The following PRH1 variants were observed in gnomAD, a reference collection of about 807,000 sequenced individuals.
PRH1 encodes the protein salivary acidic proline-rich phosphoprotein 1/2.
In PRH1, 7 loss-of-function variants were observed where a neutral mutation model predicts 7.9. The ratio of observed to expected loss-of-function variants is 0.89; its 90% CI spans 0.50 to 1.67. The LOEUF is 1.67. PRH1 is among the 40% of genes most tolerant of loss of function. The probability of loss-of-function intolerance (pLI) is 0.00; values close to 1 mark genes in which losing one functional copy is unlikely to be tolerated. For missense variants in PRH1, 109 were observed against 223.6 expected, an observed-to-expected ratio of 0.49 and a Z score of 3.27; for synonymous variants, 45 against 80.8, an observed-to-expected ratio of 0.56 and a Z score of 2.38.
intron 1 of PRH1, among the ~76,000 whole-genome samples, chr12:11,013,266 T>G (rs1212788331): frequency 6.6e-6 from 1 of 152,012 alleles, no homozygotes; most frequent in Non-Finnish European, 1.5e-5. Flanking sequence ...AAAAGAACAA[T>G]GAAACACAAC....
chr12:11,055,154 A>G (rs970628997), intron 1 of PRH1, among the ~76,000 whole-genome samples: 1 of 151,820 alleles, frequency 6.6e-6, no homozygotes, highest in African/African-American at 2.4e-5. Context: ...ATTATGCCAA[A>G]TGACTTTGAG....
rs1592022932 is a variant in PRH1 at position 11,105,046 on chromosome 12, C to T, written n.124-57858G>A. Among the ~76,000 whole-genome samples the T allele has an allele frequency of 1.3e-5, 2 of 151,732 alleles. 1 individual carries two copies. The highest frequency in any genetic ancestry group is 3.9e-4 in the East Asian group (2 of 5,178). The stretch of plus-strand genomic sequence containing the variant: ...TTGTCTAACCTTTTTCTTCAAATTT[C>T]AAATACTCTTGTTATAAGTAACTGT... On this transcript the variant is annotated intron_variant and non_coding_transcript_variant, in intron 1 of 4. Coordinates refer to the PRH1 transcript ENST00000541977.
At chr12:10,896,604 A>G (rs1217762134) in intron 2 of PRH1, among the ~76,000 whole-genome samples, 1 of 152,044 alleles carries the variant, frequency 6.6e-6, no homozygotes, top group Non-Finnish European at 1.5e-5. Flanking sequence ...TCTACTAAAA[A>G]TACAAAAATT....
At position 11,001,113 on chromosome 12, in the gene PRH1, G is replaced by T. The variant is rs528981999; in HGVS notation, c.-125-27392C>A. On this transcript the variant is annotated intron_variant, in intron 1 of 3. Coordinates refer to the PRH1 transcript ENST00000539853. ...AAAAGCTTGGTCTACACATCCTTCC[G>T]CAAGTTGGAAGAACCTGGAAATTGA... is the stretch of plus-strand genomic sequence containing the variant. Among the ~76,000 whole-genome samples, 3 of 151,602 alleles carry T rather than the reference G, an allele frequency of 2.0e-5. No individual in the cohort carries two copies. In the South Asian group the frequency reaches 6.2e-4, roughly 32 times the overall value.
chr12:10,930,658 A>G (rs1290239775), intron 2 of PRH1: 1 of 1,613,766 alleles, frequency 6.2e-7, no homozygotes, highest in Admixed American at 1.7e-5. Flanking sequence ...TTCAACTCAC[A>G]CAGATGGAGG....
chr12:11,133,832 A>T lies in PRH1; in HGVS notation n.40-12652T>A, dbSNP rs762589095. On this transcript the variant is annotated intron_variant and non_coding_transcript_variant, in intron 1 of 1. Coordinates refer to the PRH1 transcript ENST00000541175. Reference sequence around the variant, plus strand: ...CACAAAAAGATGACAAACCAAAAATAGCAAAGGCCCCAACAGTATCACCAG... The same window carrying T: ...CACAAAAAGATGACAAACCAAAAATTGCAAAGGCCCCAACAGTATCACCAG... 6 of 1,614,066 alleles carry T rather than the reference A, an allele frequency of 3.7e-6. No individual in the cohort carries two copies. The Admixed American group carries it at 6.7e-5, about 18-fold the overall frequency.
At chr12:10,897,377 G>C (rs2135803293) in intron 2 of PRH1, among the ~76,000 whole-genome samples, 1 of 147,748 alleles carries the variant, frequency 6.8e-6, no homozygotes, top group East Asian at 2.0e-4. Context: ...GATAAGTTCA[G>C]CCCCTGGTCA....
At chr12:10,904,718 T>C (rs1949777502) in intron 2 of PRH1, among the ~76,000 whole-genome samples, 1 of 152,096 alleles carries the variant, frequency 6.6e-6, no homozygotes, top group African/African-American at 2.4e-5. Flanking sequence ...ACACATTGTA[T>C]AAACTATCAA....
chr12:11,030,705 G>A lies in PRH1; in HGVS notation c.-126+16315C>T, dbSNP rs755012732. On this transcript the variant is annotated intron_variant, in intron 1 of 3. Transcript: ENST00000539853. ...GGATCTTGAGATCCTTTACCATGGA[G>A]CTGCATCTTCTTGAGATGTTTACAC... The A allele has an allele frequency of 3.7e-6, 6 of 1,614,108 alleles. No homozygotes were observed. In the Admixed American group the frequency reaches 1.0e-4, roughly 27 times the overall value.
intron 2 of PRH1, among the ~76,000 whole-genome samples, chr12:10,954,445 G>T (rs1439420975): frequency 2.7e-5 from 4 of 149,554 alleles, no homozygotes; most frequent in Admixed American, 2.0e-4. Context: ...AATAGAAGCA[G>T]GGTTGCTATT....
At chr12:11,086,999 C>T (rs1338734335) in intron 1 of PRH1, among the ~76,000 whole-genome samples, 2 of 93,058 alleles carry the variant, frequency 2.1e-5, no homozygotes, top group Non-Finnish European at 5.3e-5. Context: ...ATTTGTATTA[C>T]TACTTTCAAG....
At chr12:10,987,186 T>A (rs996846325) in intron 1 of PRH1, among the ~76,000 whole-genome samples, 2 of 152,140 alleles carry the variant, frequency 1.3e-5, no homozygotes, top group African/African-American at 4.8e-5. Context: ...AGCATGCAAA[T>A]AAAGACATAT....
chr12:11,165,957 C>T (rs1378008280), intron 1 of PRH1: 3 of 152,242 alleles, frequency 2.0e-5, no homozygotes, highest in Non-Finnish European at 4.4e-5. Flanking sequence ...CATGGTGGGG[C>T]AATGGGAGCT....
intron 2 of PRH1, among the ~76,000 whole-genome samples, chr12:10,951,307 C>G (rs1312922350): frequency 6.6e-6 from 1 of 151,934 alleles, no homozygotes; most frequent in Non-Finnish European, 1.5e-5. Flanking sequence ...ATTTTTAAAC[C>G]CAATACATAG....
intron 2 of PRH1, among the ~76,000 whole-genome samples, chr12:10,935,938 T>C (rs368539548): frequency 1.3e-5 from 2 of 152,084 alleles, no homozygotes; most frequent in African/African-American, 4.8e-5. Context: ...AGGATGGACA[T>C]TACAGGCTTG....
intron 1 of PRH1, among the ~76,000 whole-genome samples, chr12:11,124,088 C>T (rs1252865041): frequency 6.6e-6 from 1 of 152,068 alleles, no homozygotes; most frequent in Admixed American, 6.6e-5. Flanking sequence ...TTGAAAGAAA[C>T]CGGAAATGAA....
At chr12:10,906,310 G>A (rs7978678) in intron 2 of PRH1, among the ~76,000 whole-genome samples, 79,348 of 151,710 alleles carry the variant, frequency 0.52, 22,403 homozygotes, top group East Asian at 0.72. Context: ...ATATCTTTGA[G>A]TTTTGAAAGC....
At chr12:11,086,474 T>G (rs1310896029) in intron 1 of PRH1, among the ~76,000 whole-genome samples, 3 of 150,412 alleles carry the variant, frequency 2.0e-5, no homozygotes, top group East Asian at 3.9e-4. Context: ...TTTTATTTCT[T>G]TTCAGTTTTT....
chr12:11,046,434 C>T (rs1942901155), intron 1 of PRH1, among the ~76,000 whole-genome samples: 1 of 152,128 alleles, frequency 6.6e-6, no homozygotes, highest in Admixed American at 6.5e-5. Context: ...CTTCTCCTTT[C>T]TCAGATTTTC....
Sources: allele counts gnomAD v4.1 joint callset (sites outside exome capture counted in the v4.1 genomes callset), GRCh38; gene constraint gnomAD v4.1.1; transcripts MANE v1.5; gene names NCBI Gene and HGNC (gene_info 2026-07-23, HGNC 2026-07-21).